ASIC4: variants seen among roughly 807,000 people sequenced by gnomAD.
ASIC4 encodes acid sensing ion channel subunit family member 4.
A neutral mutation model predicts 53.4 loss-of-function variants in ASIC4; 28 were observed. The ratio of observed to expected loss-of-function variants is 0.52; its 90% CI spans 0.39 to 0.72. ASIC4 has a LOEUF of 0.72. ASIC4 is among the 30% of genes least tolerant of loss of function. ASIC4 has a pLI of 0.00. For missense variants in ASIC4, 649 were observed against 729.7 expected, an observed-to-expected ratio of 0.89 and a Z score of 1.27; for synonymous variants, 289 against 301.4, an observed-to-expected ratio of 0.96 and a Z score of 0.43.
chr2:219,507,737 A>G, the ASIC4 span, among the ~76,000 whole-genome samples: 5,479 of 152,116 alleles, frequency 0.036, 320 homozygotes, highest in African/African-American at 0.12. Context: ...AATGATCGTA[A>G]TCTGCTAATT....
chr2:219,535,101 C>T, intron 5 of ASIC4, 70 bp from the exon 6 acceptor site: 1 of 1,553,028 alleles, frequency 6.4e-7, no homozygotes, highest in South Asian at 1.2e-5. Context: ...TGGGCCTCCT[C>T]TCTGCAGCTG....
rs578170747 is a variant in ASIC4, at chr2:219,521,568, T to C, written c.582+6262T>C. On this transcript the variant is annotated intron_variant, in intron 1 of 9. Coordinates refer to ENST00000358078, the MANE Select transcript of ASIC4 (RefSeq NM_018674.6). Reference sequence around the variant, plus strand: ...CACCCAGGAAGCACTACAGGGAGCATTGGAATGCCAAGACCCAAGCTACTC... The same window carrying C: ...CACCCAGGAAGCACTACAGGGAGCACTGGAATGCCAAGACCCAAGCTACTC... 2.0e-5 allele frequency among the ~76,000 whole-genome samples: 3 copies of C among 152,046 alleles called. No homozygotes were observed. In the East Asian group the frequency reaches 5.8e-4, roughly 30 times the overall value.
At chr2:219,515,388 G>A in intron 1 of ASIC4, 82 bp downstream of exon 1, 1 of 1,502,124 alleles carries the variant, frequency 6.7e-7, no homozygotes, top group East Asian at 2.3e-5. Context: ...TGGTGTACAG[G>A]GGCATCCTCA....
chr2:219,508,999 T>G, the ASIC4 span, among the ~76,000 whole-genome samples: 2 of 140,110 alleles, frequency 1.4e-5, no homozygotes, highest in East Asian at 2.1e-4. Context: ...GGACCGAGTG[T>G]GGAGAGAAAT....
At chr2:219,519,676 T>C (rs13419508) in intron 1 of ASIC4, among the ~76,000 whole-genome samples, 2,686 of 152,320 alleles carry the variant, frequency 0.018, 87 homozygotes, top group African/African-American at 0.061. Flanking sequence ...AAATGAATTT[T>C]ACATTCAAAT....
At position 219,532,411 on chromosome 2, in the gene ASIC4, T is replaced by G; in HGVS notation, c.952T>G (p.Cys318Gly). ...QGYSAYSVSACRLRCEKEAVL... is the reference protein window; with the variant it reads ...QGYSAYSVSAGRLRCEKEAVL... The stretch of plus-strand genomic sequence containing the variant: ...CTACTCGGCCTACAGTGTGTCTGCC[T>G]GCCGGCTGCGCTGTGAAAAGGAGGC... Residue 318 changes from cysteine to glycine, a missense_variant, in exon 4 of 10, where the codon TGC (cysteine) becomes GGC (glycine). Coordinates refer to ENST00000358078, the MANE Select transcript of ASIC4 (RefSeq NM_018674.6). 2 of 1,614,044 alleles carry G rather than the reference T, an allele frequency of 1.2e-6. No homozygotes were observed. The highest frequency in any genetic ancestry group is 2.2e-5 in the South Asian group (2 of 91,084).
At chr2:219,513,500 C>T (rs146488335), upstream of ASIC4, among the ~76,000 whole-genome samples, 19 of 152,268 alleles carry the variant, frequency 1.2e-4, no homozygotes, top group East Asian at 3.3e-3. Flanking sequence ...TTTAGGAGAG[C>T]ATTCGCTCCC....
chr2:219,525,892 G>A (rs1444396744), intron 1 of ASIC4, among the ~76,000 whole-genome samples: 1 of 152,216 alleles, frequency 6.6e-6, no homozygotes, highest in Non-Finnish European at 1.5e-5. Context: ...GAATTTGGGG[G>A]AAGGGATACC....
At chr2:219,534,253 C>G (rs1298458765) in intron 5 of ASIC4, among the ~76,000 whole-genome samples, 2 of 152,222 alleles carry the variant, frequency 1.3e-5, no homozygotes, top group East Asian at 1.9e-4. Context: ...TCTCTGTCCC[C>G]CACACCACCT....
At chr2:219,511,576 G>C (rs191888434), upstream of ASIC4, among the ~76,000 whole-genome samples, 1 of 152,104 alleles carries the variant, frequency 6.6e-6, no homozygotes, top group South Asian at 2.1e-4. This position sits in a 1 kb window ranked among gnomAD's most constrained non-coding sequence, Gnocchi z 5.3. Flanking sequence ...TTCTGACCCC[G>C]CAACACCCAG....
At chr2:219,508,470 C>T in the ASIC4 span, among the ~76,000 whole-genome samples, 32 of 151,994 alleles carry the variant, frequency 2.1e-4, no homozygotes, top group Non-Finnish European at 3.7e-4. Flanking sequence ...AGGGGGGTGC[C>T]GCTAGCAAAG....
chr2:219,515,404 G>T, intron 1 of ASIC4, 98 bp downstream of exon 1: 1 of 1,390,904 alleles, frequency 7.2e-7, no homozygotes, highest in Non-Finnish European at 9.6e-7. Flanking sequence ...CCTCAACAGG[G>T]CTTCCCTTCA....
At chr2:219,522,697 C>T (rs1694906261) in intron 1 of ASIC4, among the ~76,000 whole-genome samples, 1 of 152,116 alleles carries the variant, frequency 6.6e-6, no homozygotes, top group Admixed American at 6.5e-5. Context: ...CCCAGCTCCG[C>T]ATCCATCTCC....
In ASIC4 at chr2:219,535,278, G is replaced by A; in HGVS notation, c.1183G>A (p.Ala395Thr). Reference protein sequence around the residue: ...SMVRIPNRGSARYLARKYNRN... With the variant: ...SMVRIPNRGSTRYLARKYNRN... ...GGTCAGGATCCCCAACAGGGGCTCA[G>A]CCCGGTACCTGGCGAGGAAGTACAA... The change falls in exon 6 of 10, where the codon GCC (alanine) becomes ACC (threonine). Residue 395 changes from alanine (A) to threonine (T), a missense_variant. Physicochemically the swap from Ala to Thr is moderately conservative, Grantham distance 58 (BLOSUM62 0). Coordinates refer to ENST00000358078, the MANE Select transcript of ASIC4 (RefSeq NM_018674.6). 1 of 1,613,844 alleles carries A rather than the reference G, an allele frequency of 6.2e-7. No individual in the cohort carries two copies. Among genetic ancestry groups the A allele is most frequent in the South Asian group, 1.1e-5 (1 of 91,072 alleles).
Position 219,514,780 on chromosome 2 carries a change from AG to A in ASIC4, c.58del (p.Glu20ArgfsTer74). 1 of 1,613,452 alleles carries A rather than the reference AG, an allele frequency of 6.2e-7. No individual in the cohort carries two copies. Among genetic ancestry groups the A allele is most frequent in the Non-Finnish European group, 8.5e-7 (1 of 1,179,968 alleles). On this transcript the variant is annotated frameshift_variant, in exon 1 of 10. Coordinates refer to ENST00000358078, the MANE Select transcript of ASIC4 (RefSeq NM_018674.6). LOFTEE classifies it high-confidence loss of function. ...IKFAEEDAKPKEKEAGDEQSL... is the reference protein window; with the variant it reads ...IKFAEEDAKPXEKEAGDEQSL... The stretch of plus-strand genomic sequence containing the variant: ...TTTGCTGAGGAGGATGCGAAACCCA[AG>A]GAGAAGGAGGCAGGGGATGAGCAGA...
chr2:219,507,432 G>C, the ASIC4 span, among the ~76,000 whole-genome samples: 1 of 152,252 alleles, frequency 6.6e-6, no homozygotes, highest in Non-Finnish European at 1.5e-5. Context: ...CTCCCAGCTT[G>C]GCTTTTGGCA....
chr2:219,535,805 C>G (rs899996609), intron 6 of ASIC4, among the ~76,000 whole-genome samples: 3 of 142,614 alleles, frequency 2.1e-5, no homozygotes, highest in Admixed American at 7.3e-5. Context: ...CAGAGTCTTG[C>G]TCTGTCGCCC....
chr2:219,538,421 G>T lies in ASIC4; in HGVS notation c.*375G>T. 3.8e-6 allele frequency: 1 copy of T among 261,508 alleles called. No individual in the cohort carries two copies. The highest frequency in any genetic ancestry group is 4.2e-5 in the South Asian group (1 of 23,678). 16.2% of individuals were successfully genotyped at this position (261,508 alleles called of 1,614,324 possible). A position where few individuals can be genotyped will look rare whatever the true frequency, so the allele number is the denominator to read the frequency against. ...GAGGGGATACAGATGTAGAAGGTGG[G>T]TAGGGCTACAGGGGTGGGTGATTTA... On this transcript the variant is annotated 3_prime_UTR_variant, in exon 10 of 10. Coordinates refer to ENST00000358078, the MANE Select transcript of ASIC4 (RefSeq NM_018674.6).
At chr2:219,523,736 T>C (rs1008088124) in intron 1 of ASIC4, among the ~76,000 whole-genome samples, 1 of 152,202 alleles carries the variant, frequency 6.6e-6, no homozygotes, top group East Asian at 1.9e-4. Flanking sequence ...TCACAACTAG[T>C]AACAATTTAT....
Sources: gnomAD v4.1 joint callset for allele counts (sites outside exome capture counted in the v4.1 genomes callset) on GRCh38, gnomAD v4.1.1 for gene constraint, Gnocchi (gnomAD v3.1) non-coding constraint, MANE v1.5 for transcripts, NCBI Gene and HGNC (gene_info 2026-07-23, HGNC 2026-07-21) for gene names.